The following NHS variants were observed in gnomAD, a reference collection of about 807,000 sequenced individuals.
NHS encodes the protein actin remodeling regulator NHS.
NHS carries 5 observed loss-of-function variants against 72.5 expected under a neutral mutation model. That is an observed-to-expected ratio of 0.07 (90% CI 0.04 to 0.14). The LOEUF is 0.14. NHS is among the 10% of genes least tolerant of loss of function. NHS has a pLI of 1.00. For missense variants in NHS, 1,072 were observed against 1,355.7 expected (o/e 0.79, Z 3.29); for synonymous variants, 464 against 547.7 (o/e 0.85, Z 2.13).
chrX:17,476,214 T>A (rs139228921), intron 1 of NHS, among the ~76,000 whole-genome samples: 1 of 111,765 alleles, frequency 8.9e-6, no homozygotes, highest in Non-Finnish European at 1.9e-5. Context: ...GTGCAGCTTT[T>A]GTTTATTTGA....
At chrX:17,581,227 G>A (rs1364573709) in intron 1 of NHS, among the ~76,000 whole-genome samples, 1 of 111,900 alleles carries the variant, frequency 8.9e-6, no homozygotes, top group Admixed American at 9.4e-5. Flanking sequence ...GTTAATTCTG[G>A]CAACATCTAT....
intron 1 of NHS, among the ~76,000 whole-genome samples, chrX:17,524,256 ATT>A (rs909161447): frequency 8.9e-6 from 1 of 111,815 alleles, no homozygotes; most frequent in Non-Finnish European, 1.9e-5. Context: ...ATATATGTGA[ATT>A]TTTTTGCTGA....
At chrX:17,499,699 C>G (rs2065028625) in intron 1 of NHS, among the ~76,000 whole-genome samples, 1 of 111,701 alleles carries the variant, frequency 9.0e-6, no homozygotes, top group Admixed American at 9.5e-5. Flanking sequence ...TTGCTTTTAT[C>G]TGCAGGGAGA....
rs2066504840 is a variant in NHS at position 17,733,942 on chromosome X, A to G, written c.*1478A>G. 1 of 112,362 alleles carries G rather than the reference A, an allele frequency of 8.9e-6. No homozygotes were observed. The highest frequency in any genetic ancestry group is 3.2e-5 in the African/African-American group (1 of 30,793). The allele number at this position is 112,362 out of a possible 1,213,427, so 9.3% of individuals were successfully genotyped here. On this transcript the variant is annotated 3_prime_UTR_variant, in exon 9 of 9. Coordinates refer to ENST00000676302, the MANE Select transcript of NHS (RefSeq NM_001291867.2). ...TGAATTTTCTTGTCTTAAAACTGAA[A>G]AAAAAATGTAGTTACACGTTAAAAT...
chrX:17,540,347 CAG>C (rs1190104696), intron 1 of NHS, among the ~76,000 whole-genome samples: 2 of 111,781 alleles, frequency 1.8e-5, no homozygotes, highest in Non-Finnish European at 3.8e-5. Flanking sequence ...ATGGGACTAT[CAG>C]GGGGTTTCTT....
intron 1 of NHS, among the ~76,000 whole-genome samples, chrX:17,622,698 T>A: frequency 9.1e-6 from 1 of 110,425 alleles, no homozygotes; most frequent in African/African-American, 3.3e-5. Flanking sequence ...TTCCACTGAG[T>A]GTGGTGATGG....
chrX:17,601,724 G>A (rs764962090), intron 1 of NHS, among the ~76,000 whole-genome samples: 2 of 111,809 alleles, frequency 1.8e-5, no homozygotes, highest in East Asian at 2.8e-4. Flanking sequence ...AGCACAGTCC[G>A]CAAACGATAA....
At chrX:17,631,139 A>G (rs756240440) in intron 1 of NHS, among the ~76,000 whole-genome samples, 1 of 112,407 alleles carries the variant, frequency 8.9e-6, no homozygotes, top group Non-Finnish European at 1.9e-5. Context: ...GTCTTTGGCA[A>G]ATCTCTTGGA....
rs1257436562 is a variant in NHS at position 17,489,427 on chromosome X, A to G, written c.565+113105A>G. 3.6e-5 allele frequency among the ~76,000 whole-genome samples: 4 copies of G among 111,879 alleles called. No individual in the cohort carries two copies. In the East Asian group the frequency reaches 1.1e-3, roughly 31 times the overall value. On this transcript the variant is annotated intron_variant, in intron 1 of 8. Coordinates refer to ENST00000676302, the MANE Select transcript of NHS (RefSeq NM_001291867.2). ...CCACCAACAGTGTAAAAGTGTTCCT[A>G]TTTCTCCACATCGTCTCCAGCACCT...
At position 17,689,843 on chromosome X, in the gene NHS, CTTTA is replaced by C. The variant is rs201691536; in HGVS notation, c.718+1953_718+1956del. Reference sequence around the variant, plus strand: ...CCTTTAGGTATAATTATTTTTATCCCTTTATTTTATTAATAAGTCATCCCTGATT... The same window carrying C: ...CCTTTAGGTATAATTATTTTTATCCCTTTTATTAATAAGTCATCCCTGATT... On this transcript the variant is annotated intron_variant, in intron 2 of 8. Transcript: ENST00000676302. Among the ~76,000 whole-genome samples, 27 of 111,962 alleles carry C rather than the reference CTTTA, an allele frequency of 2.4e-4. No individual in the cohort carries two copies. The East Asian group carries it at 3.6e-3, about 15-fold the overall frequency.
intron 1 of NHS, among the ~76,000 whole-genome samples, chrX:17,495,898 G>T (rs1374782727): frequency 9.0e-6 from 1 of 111,571 alleles, no homozygotes; most frequent in Non-Finnish European, 1.9e-5. Context: ...GTAGTAACCT[G>T]CTACCTCTCT....
At chrX:17,683,846 A>T (rs2066143525) in intron 1 of NHS, among the ~76,000 whole-genome samples, 1 of 111,963 alleles carries the variant, frequency 8.9e-6, no homozygotes, top group African/African-American at 3.3e-5. Flanking sequence ...AGACAAAGCA[A>T]GTGACTGACT....
rs759705228 is a variant in NHS, at chrX:17,442,566, T to C, written c.565+66244T>C. ...TAGAGAGGAGCATTCAACATTCACG[T>C]TGAGAGAATAAATGGATGTTTCATG... On this transcript the variant is annotated intron_variant, in intron 1 of 8. Transcript: ENST00000676302. Among the ~76,000 whole-genome samples, 12 of 112,441 alleles carry C rather than the reference T, an allele frequency of 1.1e-4. No homozygotes were observed. The South Asian group carries it at 1.5e-3, about 14-fold the overall frequency.
Position 17,622,114 on chromosome X carries a change from C to T in NHS, c.566-65628C>T, listed in dbSNP as rs769343227. The stretch of plus-strand genomic sequence containing the variant: ...CATACACAAACCTCCTGCTTTGTTT[C>T]GGTTTCAAACCTTGACCATTTGACT... On this transcript the variant is annotated intron_variant, in intron 1 of 8. Transcript: ENST00000676302. Among the ~76,000 whole-genome samples the T allele has an allele frequency of 6.1e-4, 68 of 111,872 alleles. 1 individual carries two copies. The highest frequency in any genetic ancestry group is 2.2e-3 in the African/African-American group (68 of 30,777).
chrX:17,396,728 G>C (rs1167435276), intron 1 of NHS, among the ~76,000 whole-genome samples: 2 of 111,914 alleles, frequency 1.8e-5, no homozygotes, highest in African/African-American at 6.5e-5. Context: ...CACTCAGAAT[G>C]TTCTGGGAAC....
intron 1 of NHS, among the ~76,000 whole-genome samples, chrX:17,500,813 T>C (rs1057378341): frequency 8.9e-6 from 1 of 111,762 alleles, no homozygotes; most frequent in Non-Finnish European, 1.9e-5. Flanking sequence ...ATTCCAGTGC[T>C]TATCAGCTGT....
At chrX:17,437,622 A>C (rs1205568164) in intron 1 of NHS, among the ~76,000 whole-genome samples, 1 of 111,404 alleles carries the variant, frequency 9.0e-6, no homozygotes, top group Admixed American at 9.5e-5. Context: ...TTTTTAGATC[A>C]CAATTTGGGA....
At position 17,376,337 on chromosome X, in the gene NHS, C is replaced by T; in HGVS notation, c.565+15C>T. ...GGAGGCAGTGCGTGAGTACCCGCGC[C>T]GTCCGCCCGCCAGGCTATGGGTTTC... On this transcript the variant is annotated intron_variant, in intron 1 of 8. Coordinates refer to ENST00000676302, the MANE Select transcript of NHS (RefSeq NM_001291867.2). 8.8e-7 allele frequency: 1 copy of T among 1,138,401 alleles called. No homozygotes were observed. Among genetic ancestry groups the T allele is most frequent in the Non-Finnish European group, 1.2e-6 (1 of 858,224 alleles). The allele number at this position is 1,138,401 out of a possible 1,213,427, so 93.8% of individuals were successfully genotyped here. A position where few individuals can be genotyped will look rare whatever the true frequency, so the allele number is the denominator to read the frequency against.
intron 1 of NHS, among the ~76,000 whole-genome samples, chrX:17,499,039 G>C (rs2065026037): frequency 8.9e-6 from 1 of 112,030 alleles, no homozygotes; most frequent in Admixed American, 9.4e-5. Flanking sequence ...GCCATGCCAT[G>C]AAGTTGATGA....
Sources: gnomAD v4.1 joint callset for allele counts (sites outside exome capture counted in the v4.1 genomes callset) on GRCh38, gnomAD v4.1.1 for gene constraint, MANE v1.5 for transcripts, NCBI Gene and HGNC (gene_info 2026-07-23, HGNC 2026-07-21) for gene names.